The following DPP9 variants were observed in gnomAD, a reference collection of about 807,000 sequenced individuals.
DPP9 encodes dipeptidyl peptidase 9, also known as dipeptidyl peptidase IV-related protein-2.
Under a neutral mutation model 110.7 loss-of-function variants are expected in DPP9, and 50 were observed. The observed-to-expected ratio is 0.45, with a 90% confidence interval of 0.36 to 0.57. The LOEUF is 0.57. Among genes scored for constraint, DPP9 ranks in the 20% least tolerant of loss-of-function variants. DPP9 has a pLI of 0.00. For missense variants in DPP9, 1,022 were observed against 1,217.9 expected (o/e 0.84, Z 2.39); for synonymous variants, 561 against 514.4 (o/e 1.09, Z -1.23).
At chr19:4,683,057 C>T in intron 19 of DPP9, 1 of 1,498,898 alleles carries the variant, frequency 6.7e-7, no homozygotes, top group Non-Finnish European at 8.9e-7. Context: ...CAGGTGCGGC[C>T]CCTCCCCGCC....
At position 4,685,668 on chromosome 19, in the gene DPP9, C is replaced by T. The variant is rs1489162547; in HGVS notation, c.1989G>A (p.Gly663=). ...MIYKPHALQP[G]KKHPTVLFVY... is the part of the protein sequence containing the mutation. The stretch of plus-strand genomic sequence containing the variant: ...CAAAGAGGACGGTGGGGTGCTTCTT[C>T]CCTGGCTGCAAGGCGTGGGGCTTGT... Residue 663 remains glycine, a synonymous_variant, in exon 17 of 22, where the codon GGG becomes GGA. Coordinates refer to ENST00000262960, the MANE Select transcript of DPP9 (RefSeq NM_139159.5). The surrounding 1 kb of genome is among the most constrained non-coding windows in gnomAD (Gnocchi z 5.8). 6.2e-7 allele frequency: 1 copy of T among 1,612,606 alleles called. No individual in the cohort carries two copies. Among genetic ancestry groups the T allele is most frequent in the Non-Finnish European group, 8.5e-7 (1 of 1,179,500 alleles).
chr19:4,681,884 TCGCC>T (rs2089944482), intron 20 of DPP9, among the ~76,000 whole-genome samples: 2 of 145,500 alleles, frequency 1.4e-5, no homozygotes, highest in Non-Finnish European at 3.0e-5. Flanking sequence ...TCTGGCTCTG[TCGCC>T]CAGACTGTAG....
chr19:4,712,615 C>G (rs1050492064), intron 4 of DPP9, among the ~76,000 whole-genome samples: 1 of 152,138 alleles, frequency 6.6e-6, no homozygotes, highest in Non-Finnish European at 1.5e-5. Context: ...GCCATATGAC[C>G]TCTGTTGCGG....
In DPP9 at chr19:4,682,087, A is replaced by G. The variant is rs1222521552; in HGVS notation, c.2474+609T>C. ...ATGGTCTCAATCTCCTGACCTCACG[A>G]TCCGCCCGCCTCAGCCTCCCAGAGT... On this transcript the variant is annotated intron_variant, in intron 20 of 21. Transcript: ENST00000262960. This position sits in a 1 kb window ranked among gnomAD's most constrained non-coding sequence, Gnocchi z 7.1. Among the ~76,000 whole-genome samples, 1 of 151,922 alleles carries G rather than the reference A, an allele frequency of 6.6e-6. No homozygotes were observed. Among genetic ancestry groups the G allele is most frequent in the African/African-American group, 2.4e-5 (1 of 41,342 alleles).
intron 9 of DPP9, among the ~76,000 whole-genome samples, chr19:4,701,265 C>T (rs963767984): frequency 2.6e-5 from 4 of 152,136 alleles, no homozygotes; most frequent in Admixed American, 6.5e-5. Flanking sequence ...GCCAGGAGTT[C>T]GAAACCAGCC....
rs906371157 is a variant in DPP9 at position 4,707,614 on chromosome 19, CTTTTTTTTTTTT to C, written c.314-1656_314-1645del. Among the ~76,000 whole-genome samples the C allele has an allele frequency of 1.7e-4, 13 of 78,432 alleles. No individual in the cohort carries two copies. In the South Asian group the frequency reaches 1.8e-3, roughly 11 times the overall value. The allele number at this position is 78,432 out of a possible 152,430, so 51.5% of individuals were successfully genotyped here. ...TCTTTTCAGGACCTCCTCATACTCG[CTTTTTTTTTTTT>C]TTTTTTTTTTTTTTTCTGAGACACA... On this transcript the variant is annotated intron_variant, in intron 4 of 21. Coordinates refer to ENST00000262960, the MANE Select transcript of DPP9 (RefSeq NM_139159.5).
chr19:4,717,834 G>C (rs977865915), intron 3 of DPP9: 1 of 152,306 alleles, frequency 6.6e-6, no homozygotes, highest in African/African-American at 2.4e-5. Flanking sequence ...TGGCGCAAGA[G>C]TGAGGGAGCG....
At chr19:4,711,371 G>A (rs949192211) in intron 4 of DPP9, among the ~76,000 whole-genome samples, 1 of 152,116 alleles carries the variant, frequency 6.6e-6, no homozygotes, top group African/African-American at 2.4e-5. Flanking sequence ...TGGAGGCTAC[G>A]TTACACAGAG....
At chr19:4,703,467 A>C (rs1382774735) in intron 7 of DPP9, among the ~76,000 whole-genome samples, 9 of 131,384 alleles carry the variant, frequency 6.9e-5, no homozygotes, top group African/African-American at 3.2e-4. Context: ...ACAACTAAAA[A>C]TACAAAAAAA....
intron 18 of DPP9, chr19:4,683,901 G>A (rs1255253126): frequency 7.7e-7 from 1 of 1,306,298 alleles, no homozygotes; most frequent in African/African-American, 1.5e-5. Context: ...CCCTAATAAA[G>A]GGACATTAAC....
At position 4,676,682 on chromosome 19, in the gene DPP9, G is replaced by C. The variant is rs747465876; in HGVS notation, c.2587-26C>G. The C allele has an allele frequency of 5.7e-6, 9 of 1,568,614 alleles. No homozygotes were observed. The highest frequency in any genetic ancestry group is 6.9e-6 in the Non-Finnish European group (8 of 1,154,114). On this transcript the variant is annotated intron_variant, in intron 21 of 21. Transcript: ENST00000262960. This position sits in a 1 kb window ranked among gnomAD's most constrained non-coding sequence, Gnocchi z 4.0. The stretch of plus-strand genomic sequence containing the variant: ...CTGCGGGGAGACAGGAGGCAGGGCT[G>C]GGGGGCGTGGCCGGACCACCCCCGT...
Position 4,700,733 on chromosome 19 carries a change from G to T in DPP9, c.1013-456C>A, listed in dbSNP as rs2145695341. On this transcript the variant is annotated intron_variant, in intron 9 of 21. Coordinates refer to ENST00000262960, the MANE Select transcript of DPP9 (RefSeq NM_139159.5). The surrounding 1 kb of genome is among the most constrained non-coding windows in gnomAD (Gnocchi z 4.3). Reference sequence around the variant, plus strand: ...GGGAGCCCGTGTGACAGCCAGACCTGCGCCCTCCGGAGGCCAATGGCGACA... The same window carrying T: ...GGGAGCCCGTGTGACAGCCAGACCTTCGCCCTCCGGAGGCCAATGGCGACA... Among the ~76,000 whole-genome samples, 1 of 152,326 alleles carries T rather than the reference G, an allele frequency of 6.6e-6. No homozygotes were observed. Among genetic ancestry groups the T allele is most frequent in the East Asian group, 1.9e-4 (1 of 5,190 alleles).
At chr19:4,679,701 G>C in intron 21 of DPP9, 134 bp downstream of exon 21, 1 of 675,750 alleles carries the variant, frequency 1.5e-6, no homozygotes, top group South Asian at 1.8e-5. Flanking sequence ...AGGGCTGTGG[G>C]GTGGGGGGCT....
At chr19:4,715,019 CTTTTTTTTTTTTT>C (rs59314200) in intron 3 of DPP9, among the ~76,000 whole-genome samples, 1 of 68,608 alleles carries the variant, frequency 1.5e-5, no homozygotes. Context: ...TATATATATA[CTTTTTTTTTTTTT>C]TTTTTTTTTT....
chr19:4,683,875 G>T, intron 18 of DPP9: 1 of 1,459,338 alleles, frequency 6.9e-7, no homozygotes, highest in Non-Finnish European at 9.2e-7. Flanking sequence ...CCCTCTGAGG[G>T]CGTCAGTTTG....
chr19:4,713,027 C>A (rs1219819636), intron 4 of DPP9, among the ~76,000 whole-genome samples: 1 of 152,202 alleles, frequency 6.6e-6, no homozygotes. Context: ...GCCACCCCAC[C>A]CCCAAGGAAC....
intron 18 of DPP9, chr19:4,683,967 C>T (rs1212513866): frequency 1.5e-5 from 9 of 602,602 alleles, no homozygotes; most frequent in South Asian, 7.4e-5. Context: ...GGTGCCCAGG[C>T]ATGTGCAAGG....
At position 4,685,767 on chromosome 19, in the gene DPP9, G is replaced by A. The variant is rs752359804; in HGVS notation, c.1890C>T (p.Cys630=). The A allele has an allele frequency of 2.5e-6, 4 of 1,612,648 alleles. No homozygotes were observed. Among genetic ancestry groups the A allele is most frequent in the Non-Finnish European group, 3.4e-6 (4 of 1,179,808 alleles). Residue 630 remains cysteine, a synonymous_variant, in exon 17 of 22, where the codon TGC becomes TGT. Coordinates refer to ENST00000262960, the MANE Select transcript of DPP9 (RefSeq NM_139159.5). This position sits in a 1 kb window ranked among gnomAD's most constrained non-coding sequence, Gnocchi z 5.8. ...TCTCTGGAGGAACATAATCCGGGGG[G>A]CAGCCTGCGGGAGACAGGGCGGCTA... ...FWASMMEAAS[C]PPDYVPPEIF... is the part of the protein sequence containing the mutation.
chr19:4,683,382 G>A lies in DPP9; in HGVS notation c.2331+95C>T, dbSNP rs562415677. 4 of 1,556,086 alleles carry A rather than the reference G, an allele frequency of 2.6e-6. No individual in the cohort carries two copies. The South Asian group carries it at 4.7e-5, about 18-fold the overall frequency. ...CTGCCGAGGCGCCTCCCCGGTAGGT[G>A]GGCTCCGGGTGGCGCGGGCGGTGGG... is the stretch of plus-strand genomic sequence containing the variant. On this transcript the variant is annotated intron_variant, in intron 19 of 21. Transcript: ENST00000262960.
Sources: gnomAD v4.1 joint callset for allele counts (sites outside exome capture counted in the v4.1 genomes callset) on GRCh38, gnomAD v4.1.1 for gene constraint, Gnocchi (gnomAD v3.1) non-coding constraint, MANE v1.5 for transcripts, NCBI Gene and HGNC (gene_info 2026-07-23, HGNC 2026-07-21) for gene names.